Variants in BATF3 observed in about 807,000 individuals in gnomAD.
BATF3 encodes the protein basic leucine zipper transcriptional factor ATF-like 3.
In BATF3, 8 loss-of-function variants were observed where a neutral mutation model predicts 16.1. That is an observed-to-expected ratio of 0.50 (90% CI 0.29 to 0.90). The LOEUF is 0.90. BATF3 is among the 40% of genes least tolerant of loss of function. The probability of loss-of-function intolerance (pLI) is 0.08; values close to 1 mark genes in which losing one functional copy is unlikely to be tolerated. For synonymous variants in BATF3, 74 were observed against 72.7 expected (o/e 1.02, Z -0.09); for missense variants, 139 against 167.0 (o/e 0.83, Z 0.92).
chr1:212,687,302 G>A (rs1656873616), intron 2 of BATF3, among the ~76,000 whole-genome samples: 1 of 152,172 alleles, frequency 6.6e-6, no homozygotes, highest in African/African-American at 2.4e-5. Flanking sequence ...ATGCCCCTGT[G>A]CAGTTAGTCC....
intron 1 of BATF3, 89 bp from the exon 2 acceptor site, chr1:212,697,154 G>T: frequency 1.9e-6 from 2 of 1,048,564 alleles, no homozygotes; most frequent in Non-Finnish European, 2.9e-6. Flanking sequence ...TGTTCACTGA[G>T]CTTCATCATT....
At chr1:212,691,812 T>C (rs1350430717) in intron 2 of BATF3, among the ~76,000 whole-genome samples, 1 of 152,250 alleles carries the variant, frequency 6.6e-6, no homozygotes, top group Non-Finnish European at 1.5e-5. Flanking sequence ...CTGAGCCACC[T>C]TTCAGCCTGG....
chr1:212,695,660 T>C (rs895963059), intron 2 of BATF3, among the ~76,000 whole-genome samples: 6 of 151,954 alleles, frequency 3.9e-5, no homozygotes, highest in African/African-American at 1.2e-4. Context: ...CAAGAAAGTA[T>C]AGCAGGAGAG....
chr1:212,687,805 T>C (rs1310516142), intron 2 of BATF3, among the ~76,000 whole-genome samples: 1 of 150,536 alleles, frequency 6.6e-6, no homozygotes, highest in East Asian at 1.9e-4. Context: ...TGCACACCTA[T>C]AGTCTCAGGT....
rs911556426 is a variant in BATF3, at chr1:212,689,852, G to GAC, written c.196-2875_196-2874dup. ...ACACACACACTCATACACAACCACA[G>GAC]ACACACACACAGATACACACAGTCA... is the stretch of plus-strand genomic sequence containing the variant. On this transcript the variant is annotated intron_variant, in intron 2 of 2. Transcript: ENST00000243440. The surrounding 1 kb of genome is among the most constrained non-coding windows in gnomAD (Gnocchi z 4.6). 2.1e-5 allele frequency among the ~76,000 whole-genome samples: 3 copies of GAC among 145,634 alleles called. No homozygotes were observed. The highest frequency in any genetic ancestry group is 3.0e-5 in the Non-Finnish European group (2 of 66,098).
intron 2 of BATF3, among the ~76,000 whole-genome samples, chr1:212,694,562 T>A (rs998747170): frequency 6.6e-6 from 1 of 152,238 alleles, no homozygotes; most frequent in Non-Finnish European, 1.5e-5. Flanking sequence ...AACTAGTTTT[T>A]AAAAATATTA....
chr1:212,689,521 C>G lies in BATF3; in HGVS notation c.196-2542G>C, dbSNP rs1220549463. Among the ~76,000 whole-genome samples, 1 of 152,182 alleles carries G rather than the reference C, an allele frequency of 6.6e-6. No individual in the cohort carries two copies. Among genetic ancestry groups the G allele is most frequent in the East Asian group, 1.9e-4 (1 of 5,200 alleles). ...CCCACTCCCAAGCCTTCATGCCCTC[C>G]TTTGACCTCTGACAAGCTCTAGTTC... On this transcript the variant is annotated intron_variant, in intron 2 of 2. Coordinates refer to ENST00000243440, the MANE Select transcript of BATF3 (RefSeq NM_018664.3). This position sits in a 1 kb window ranked among gnomAD's most constrained non-coding sequence, Gnocchi z 4.6.
intron 2 of BATF3, among the ~76,000 whole-genome samples, chr1:212,687,670 A>T (rs970588442): frequency 6.6e-6 from 1 of 152,082 alleles, no homozygotes; most frequent in East Asian, 1.9e-4. Flanking sequence ...TCATGCCTGT[A>T]ATCTCAGCAC....
intron 2 of BATF3, among the ~76,000 whole-genome samples, chr1:212,694,702 C>T (rs1414540575): frequency 6.6e-6 from 1 of 152,156 alleles, no homozygotes; most frequent in Admixed American, 6.5e-5. Flanking sequence ...ATTTTGGTAA[C>T]ATGACACTAG....
At position 212,686,677 on chromosome 1, in the gene BATF3, C is replaced by G; in HGVS notation, c.*114G>C. The G allele has an allele frequency of 6.9e-7, 1 of 1,440,306 alleles. No individual in the cohort carries two copies. The highest frequency in any genetic ancestry group is 1.4e-5 in the African/African-American group (1 of 70,202). 89.2% of individuals were successfully genotyped at this position (1,440,306 alleles called of 1,614,324 possible). A position where few individuals can be genotyped will look rare whatever the true frequency, so the allele number is the denominator to read the frequency against. Reference sequence around the variant, plus strand: ...ACACAGCTGGCTGGTCCTGGAGCTCCCAGGAGGAGGCCTGGCCACAGGTGC... The same window carrying G: ...ACACAGCTGGCTGGTCCTGGAGCTCGCAGGAGGAGGCCTGGCCACAGGTGC... On this transcript the variant is annotated 3_prime_UTR_variant, in exon 3 of 3. Coordinates refer to ENST00000243440, the MANE Select transcript of BATF3 (RefSeq NM_018664.3).
intron 2 of BATF3, among the ~76,000 whole-genome samples, chr1:212,696,223 T>G (rs532554528): frequency 1.1e-4 from 17 of 150,846 alleles, no homozygotes; most frequent in African/African-American, 4.1e-4. Flanking sequence ...AACAAAGAAA[T>G]AGAGAAAAAA....
At chr1:212,697,264 G>A (rs1233293383) in intron 1 of BATF3, 199 bp from the exon 2 acceptor site, 2 of 532,478 alleles carry the variant, frequency 3.8e-6, no homozygotes, top group African/African-American at 1.9e-5. Flanking sequence ...AGTGTGTGGT[G>A]TGACCGCCGT....
At chr1:212,692,198 C>T (rs982299813) in intron 2 of BATF3, among the ~76,000 whole-genome samples, 3 of 151,982 alleles carry the variant, frequency 2.0e-5, no homozygotes, top group Admixed American at 6.5e-5. Flanking sequence ...GGGAGGTGGC[C>T]GAAAAACTCC....
At chr1:212,693,849 T>C (rs768219677) in intron 2 of BATF3, among the ~76,000 whole-genome samples, 4 of 152,228 alleles carry the variant, frequency 2.6e-5, no homozygotes, top group Non-Finnish European at 5.9e-5. Context: ...ACATTTACCT[T>C]CTGTGCTAGG....
intron 2 of BATF3, among the ~76,000 whole-genome samples, chr1:212,690,547 C>T (rs1305494807): frequency 1.3e-5 from 2 of 152,020 alleles, no homozygotes; most frequent in East Asian, 3.9e-4. Flanking sequence ...ACAAGAGGAG[C>T]TGGGAGGGAA....
At position 212,699,721 on chromosome 1, in the gene BATF3, C is replaced by T; in HGVS notation, c.42G>A (p.Arg14=). Residue 14 remains arginine, a synonymous_variant, in exon 1 of 3, where the codon AGG becomes AGA. Transcript: ENST00000243440. This position sits in a 1 kb window ranked among gnomAD's most constrained non-coding sequence, Gnocchi z 4.4. ...GCTGGTTCCCGGGCGCCGCGACGCT[C>T]CTCTGCAGGACGCTGCCGGCGGCCG... is the stretch of plus-strand genomic sequence containing the variant. ...GLPAAGSVLQ[R]SVAAPGNQPQ... is the part of the protein sequence containing the mutation. The T allele has an allele frequency of 3.0e-6, 4 of 1,345,424 alleles. No homozygotes were observed. The highest frequency in any genetic ancestry group is 3.8e-6 in the Non-Finnish European group (4 of 1,043,528). The allele number at this position is 1,345,424 out of a possible 1,614,324, so 83.3% of individuals were successfully genotyped here.
intron 2 of BATF3, among the ~76,000 whole-genome samples, chr1:212,696,004 T>C (rs370133140): frequency 1.4e-4 from 21 of 152,250 alleles, no homozygotes; most frequent in Admixed American, 4.6e-4. Context: ...GAGCCTGCAG[T>C]GGACCCATGG....
At chr1:212,694,071 C>T (rs182597484) in intron 2 of BATF3, among the ~76,000 whole-genome samples, 9 of 152,212 alleles carry the variant, frequency 5.9e-5, no homozygotes, top group African/African-American at 1.4e-4. Flanking sequence ...GATGTGACAA[C>T]GGAAACAGCA....
At chr1:212,692,720 G>A (rs1222592289) in intron 2 of BATF3, among the ~76,000 whole-genome samples, 4 of 152,182 alleles carry the variant, frequency 2.6e-5, no homozygotes, top group Admixed American at 6.5e-5. Context: ...TTACAGGCAC[G>A]AGCCACTGTG....
Sources: gnomAD v4.1 joint callset for allele counts (sites outside exome capture counted in the v4.1 genomes callset) on GRCh38, gnomAD v4.1.1 for gene constraint, Gnocchi (gnomAD v3.1) non-coding constraint, MANE v1.5 for transcripts, NCBI Gene and HGNC (gene_info 2026-07-23, HGNC 2026-07-21) for gene names.